Variants in KDM2B observed in about 807,000 individuals in gnomAD.
KDM2B encodes the protein lysine-specific demethylase 2B.
KDM2B carries 26 observed loss-of-function variants against 150.0 expected under a neutral mutation model. That is an observed-to-expected ratio of 0.17 (90% confidence interval 0.13 to 0.24). The LOEUF (loss-of-function observed/expected upper bound fraction) is 0.24. Among genes scored for constraint, KDM2B ranks in the 10% least tolerant of loss-of-function variants. The pLI, the probability that KDM2B is intolerant of heterozygous loss-of-function variation, is 1.00. For synonymous variants in KDM2B, 734 were observed against 729.5 expected (o/e 1.01, Z -0.10); for missense variants, 1,265 against 1,816.9 (o/e 0.70, Z 5.52).
chr12:121,466,752 T>C (rs1261808715), intron 12 of KDM2B, among the ~76,000 whole-genome samples: 1 of 147,516 alleles, frequency 6.8e-6, no homozygotes, highest in Non-Finnish European at 1.5e-5. Context: ...GCCCGCGGGG[T>C]CCGGGTGCTC....
rs892703367 is a variant in KDM2B at position 121,533,853 on chromosome 12, G to A, written c.777+644C>T. ...CCCTGGGCCAGGAGCCATGGCCCAC[G>A]CCTACAATCCCAGCACTTTGGAAGA... On this transcript the variant is annotated intron_variant, in intron 7 of 22. Coordinates refer to ENST00000377071, the MANE Select transcript of KDM2B (RefSeq NM_032590.5). The surrounding 1 kb of genome is among the most constrained non-coding windows in gnomAD (Gnocchi z 4.1). Among the ~76,000 whole-genome samples, 9 of 152,176 alleles carry A rather than the reference G, an allele frequency of 5.9e-5. No individual in the cohort carries two copies. The South Asian group carries it at 8.3e-4, about 14-fold the overall frequency.
intron 4 of KDM2B, among the ~76,000 whole-genome samples, chr12:121,568,298 A>T (rs925492026): frequency 6.6e-6 from 1 of 151,932 alleles, no homozygotes; most frequent in Admixed American, 6.6e-5. Context: ...GTGAAATCTC[A>T]TCTCTACGAA....
chr12:121,547,573 G>A (rs528949842), intron 6 of KDM2B, among the ~76,000 whole-genome samples: 4 of 151,926 alleles, frequency 2.6e-5, no homozygotes, highest in East Asian at 3.9e-4. Context: ...GATTCAGGCC[G>A]CCAGCGCCAA....
intron 12 of KDM2B, among the ~76,000 whole-genome samples, chr12:121,493,648 G>A (rs1555300325): frequency 6.6e-6 from 1 of 151,974 alleles, no homozygotes; most frequent in Non-Finnish European, 1.5e-5. Flanking sequence ...TGTCCTAACG[G>A]GTGACTTGAC....
chr12:121,425,493 C>T (rs935164587), downstream of KDM2B, among the ~76,000 whole-genome samples: 2 of 152,130 alleles, frequency 1.3e-5, no homozygotes, highest in Admixed American at 6.5e-5. Flanking sequence ...CACATATGGC[C>T]TTGGGTGCTC....
intron 11 of KDM2B, among the ~76,000 whole-genome samples, chr12:121,508,261 A>G (rs988101963): frequency 6.6e-6 from 1 of 151,828 alleles, no homozygotes; most frequent in Admixed American, 6.6e-5. Flanking sequence ...TAAATTTTTT[A>G]TTTTTTGTAG....
intron 12 of KDM2B, among the ~76,000 whole-genome samples, chr12:121,460,836 A>C (rs1879013554): frequency 6.6e-6 from 1 of 152,086 alleles, no homozygotes; most frequent in Non-Finnish European, 1.5e-5. Context: ...GCCTCAAGCA[A>C]TCCTACCACC....
chr12:121,511,132 T>C (rs1310719204), intron 10 of KDM2B, among the ~76,000 whole-genome samples: 2 of 151,656 alleles, frequency 1.3e-5, no homozygotes, highest in African/African-American at 4.8e-5. Flanking sequence ...TGCCTCAGCC[T>C]CCCGAGTAGC....
At chr12:121,423,879 A>G in the KDM2B span, 1 of 308,250 alleles carries the variant, frequency 3.2e-6, no homozygotes, top group Non-Finnish European at 6.1e-6. This position sits in a 1 kb window ranked among gnomAD's most constrained non-coding sequence, Gnocchi z 4.3. Flanking sequence ...TCTTGGGAGG[A>G]CACTTATCCT....
intron 6 of KDM2B, among the ~76,000 whole-genome samples, chr12:121,536,818 G>A (rs138645297): frequency 6.6e-6 from 1 of 152,164 alleles, no homozygotes; most frequent in African/African-American, 2.4e-5. Flanking sequence ...GGTACCCACA[G>A]CAGAGAGGAG....
Position 121,521,171 on chromosome 12 carries a change from G to A in KDM2B, c.932-71C>T, listed in dbSNP as rs1594037067. 9.8e-7 allele frequency: 1 copy of A among 1,023,458 alleles called. No individual in the cohort carries two copies. Among genetic ancestry groups the A allele is most frequent in the Non-Finnish European group, 1.4e-6 (1 of 693,044 alleles). 63.4% of individuals were successfully genotyped at this position (1,023,458 alleles called of 1,614,324 possible). On this transcript the variant is annotated intron_variant, in intron 8 of 22. Transcript: ENST00000377071. The surrounding 1 kb of genome is among the most constrained non-coding windows in gnomAD (Gnocchi z 4.9). The stretch of plus-strand genomic sequence containing the variant: ...GGCTCCCACACCTCACAAGGCTGCA[G>A]GGAGGGAGAGCGAGCGTGCAGGAGG...
chr12:121,487,386 G>A (rs911938169), intron 12 of KDM2B, among the ~76,000 whole-genome samples: 3 of 152,186 alleles, frequency 2.0e-5, no homozygotes, highest in East Asian at 1.9e-4. Flanking sequence ...GGAGGAACAC[G>A]TTTGGGATTC....
intron 12 of KDM2B, among the ~76,000 whole-genome samples, chr12:121,493,059 C>CTTTTTTTT (rs61628112): frequency 3.7e-5 from 2 of 54,080 alleles, no homozygotes; most frequent in African/African-American, 1.2e-4. Context: ...TCATGCCTGG[C>CTTTTTTTT]TTTTTTTTTT....
At chr12:121,410,181 A>C in the KDM2B span, among the ~76,000 whole-genome samples, 1 of 151,862 alleles carries the variant, frequency 6.6e-6, no homozygotes, top group African/African-American at 2.4e-5. Context: ...AATTATGTTC[A>C]TTTCAGCACT....
In KDM2B at chr12:121,467,355, C is replaced by A; in HGVS notation, c.1735-14011G>T. 1.0e-6 allele frequency: 1 copy of A among 981,492 alleles called. No homozygotes were observed. Among genetic ancestry groups the A allele is most frequent in the Non-Finnish European group, 1.2e-6 (1 of 828,290 alleles). 60.8% of individuals were successfully genotyped at this position (981,492 alleles called of 1,614,324 possible). ...CCGCTGCCGCGAGGAGGGAGCCGCG[C>A]CGCGCGCCTCGCACGCCCGCGCTGG... On this transcript the variant is annotated intron_variant, in intron 12 of 22. Coordinates refer to ENST00000377071, the MANE Select transcript of KDM2B (RefSeq NM_032590.5). This position sits in a 1 kb window ranked among gnomAD's most constrained non-coding sequence, Gnocchi z 5.1.
chr12:121,430,026 G>T lies in KDM2B; in HGVS notation c.*262C>A, dbSNP rs1138515. On this transcript the variant is annotated 3_prime_UTR_variant, in exon 23 of 23. Transcript: ENST00000377071. The surrounding 1 kb of genome is among the most constrained non-coding windows in gnomAD (Gnocchi z 4.4). ...TTCTCCGAAGTCCACCCTCCTCTCC[G>T]ACAGGAATGTCTTCTTGTAAAGGCC... 5 of 1,127,492 alleles carry T rather than the reference G, an allele frequency of 4.4e-6. No individual in the cohort carries two copies. The highest frequency in any genetic ancestry group is 6.8e-6 in the Non-Finnish European group (5 of 736,842). The allele number at this position is 1,127,492 out of a possible 1,614,324, so 69.8% of individuals were successfully genotyped here. A position where few individuals can be genotyped will look rare whatever the true frequency, so the allele number is the denominator to read the frequency against.
rs12423806 is a variant in KDM2B, at chr12:121,446,178, A to G, written c.1960-760T>C. 4.8e-3 allele frequency among the ~76,000 whole-genome samples: 727 copies of G among 152,198 alleles called. 10 individuals carry two copies. Among genetic ancestry groups the G allele is most frequent in the Admixed American group, 0.033 (500 of 15,298 alleles). On this transcript the variant is annotated intron_variant, in intron 13 of 22. Coordinates refer to ENST00000377071, the MANE Select transcript of KDM2B (RefSeq NM_032590.5). The stretch of plus-strand genomic sequence containing the variant: ...TGGGAGGCCAAGGCGGGCGGATCAC[A>G]AGGTCAGGAGATCGAGACCATCCCG...
At chr12:121,455,030 C>T (rs190758996) in intron 12 of KDM2B, among the ~76,000 whole-genome samples, 36 of 152,306 alleles carry the variant, frequency 2.4e-4, no homozygotes, top group South Asian at 1.9e-3. Context: ...GCAGTGGTCC[C>T]TGTAGAAAGC....
rs782151274 is a variant in KDM2B at position 121,430,017 on chromosome 12, C to G, written c.*271G>C. 9.6e-7 allele frequency: 1 copy of G among 1,042,714 alleles called. No homozygotes were observed. The highest frequency in any genetic ancestry group is 1.5e-6 in the Non-Finnish European group (1 of 659,924). The allele number at this position is 1,042,714 out of a possible 1,614,324, so 64.6% of individuals were successfully genotyped here. ...TATGAGAATTTCTCCGAAGTCCACC[C>G]TCCTCTCCGACAGGAATGTCTTCTT... On this transcript the variant is annotated 3_prime_UTR_variant, in exon 23 of 23. Coordinates refer to ENST00000377071, the MANE Select transcript of KDM2B (RefSeq NM_032590.5). This position sits in a 1 kb window ranked among gnomAD's most constrained non-coding sequence, Gnocchi z 4.4.
Sources: gnomAD v4.1 joint callset for allele counts (sites outside exome capture counted in the v4.1 genomes callset) on GRCh38, gnomAD v4.1.1 for gene constraint, Gnocchi (gnomAD v3.1) non-coding constraint, MANE v1.5 for transcripts, NCBI Gene and HGNC (gene_info 2026-07-23, HGNC 2026-07-21) for gene names.